PIP5K1A: variants seen among roughly 807,000 people sequenced by gnomAD.
The protein encoded by PIP5K1A is phosphatidylinositol 4-phosphate 5-kinase type-1 alpha.
A neutral mutation model predicts 72.9 loss-of-function variants in PIP5K1A; 46 were observed. That is an observed-to-expected ratio of 0.63 (90% confidence interval 0.50 to 0.81). The LOEUF (loss-of-function observed/expected upper bound fraction) is 0.81, where lower values mean the gene tolerates loss of function less well. Ranked by LOEUF, PIP5K1A falls within the 30% of genes least tolerant of loss-of-function variation. The probability of loss-of-function intolerance (pLI) is 0.00; values close to 1 mark genes in which losing one functional copy is unlikely to be tolerated. For synonymous variants in PIP5K1A, 228 were observed against 255.1 expected, an observed-to-expected ratio of 0.89 and a Z score of 1.01; for missense variants, 458 against 706.1, an observed-to-expected ratio of 0.65 and a Z score of 3.98.
intron 1 of PIP5K1A, among the ~76,000 whole-genome samples, chr1:151,222,708 A>G (rs374087157): frequency 1.2e-4 from 18 of 152,322 alleles, no homozygotes; most frequent in African/African-American, 3.1e-4. Flanking sequence ...GTCTAGAATC[A>G]GCATTTTTAT....
At chr1:151,202,601 A>G (rs2101871419) in intron 1 of PIP5K1A, among the ~76,000 whole-genome samples, 1 of 150,142 alleles carries the variant, frequency 6.7e-6, no homozygotes, top group East Asian at 2.0e-4. Flanking sequence ...CCTCCCAAGT[A>G]ACAGATTACA....
intron 1 of PIP5K1A, among the ~76,000 whole-genome samples, chr1:151,201,740 T>C (rs755673895): frequency 1.3e-5 from 2 of 151,934 alleles, no homozygotes; most frequent in Non-Finnish European, 2.9e-5. Flanking sequence ...CGCAGGCCTG[T>C]AATCCCAGCT....
At chr1:151,233,028 A>G (rs1690325240) in intron 7 of PIP5K1A, among the ~76,000 whole-genome samples, 1 of 144,652 alleles carries the variant, frequency 6.9e-6, no homozygotes, top group Non-Finnish European at 1.5e-5. Context: ...TGAATCTGGG[A>G]GGCGAAGTTT....
chr1:151,249,438 T>C lies in PIP5K1A; in HGVS notation c.*1573T>C, dbSNP rs1292782628. On this transcript the variant is annotated 3_prime_UTR_variant, in exon 16 of 16. Coordinates refer to ENST00000368888, the MANE Select transcript of PIP5K1A (RefSeq NM_001135638.2). ...AAGCAACATTTTTATTAAGTGTTACTATTTGCCTCTACTTTGTATTGTTCA... is the reference window on the plus strand; with the variant it reads ...AAGCAACATTTTTATTAAGTGTTACCATTTGCCTCTACTTTGTATTGTTCA... 6.6e-6 allele frequency: 1 copy of C among 152,222 alleles called. No homozygotes were observed. Among genetic ancestry groups the C allele is most frequent in the Non-Finnish European group, 1.5e-5 (1 of 68,040 alleles). The allele number at this position is 152,222 out of a possible 1,614,324, so 9.4% of individuals were successfully genotyped here. A position where few individuals can be genotyped will look rare whatever the true frequency, so the allele number is the denominator to read the frequency against.
At chr1:151,216,778 G>A (rs587611713) in intron 1 of PIP5K1A, among the ~76,000 whole-genome samples, 1 of 151,742 alleles carries the variant, frequency 6.6e-6, no homozygotes, top group African/African-American at 2.4e-5. Context: ...TACGTAACTT[G>A]TTGAATTCTC....
chr1:151,203,210 A>G (rs1685454903), intron 1 of PIP5K1A, among the ~76,000 whole-genome samples: 1 of 152,170 alleles, frequency 6.6e-6, no homozygotes, highest in African/African-American at 2.4e-5. Context: ...GTTGTGGAGT[A>G]AAATCATGTG....
intron 1 of PIP5K1A, among the ~76,000 whole-genome samples, chr1:151,200,202 G>C (rs968141141): frequency 1.0e-4 from 15 of 150,208 alleles, no homozygotes; most frequent in Non-Finnish European, 1.6e-4. Flanking sequence ...GGGGGTGACT[G>C]TAAGTGTTGT....
At position 151,242,236 on chromosome 1, in the gene PIP5K1A, G is replaced by C. The variant is rs757308798; in HGVS notation, c.1477G>C (p.Ala493Pro). The C allele has an allele frequency of 2.5e-6, 4 of 1,614,172 alleles. No homozygotes were observed. Among genetic ancestry groups the C allele is most frequent in the Non-Finnish European group, 3.4e-6 (4 of 1,180,008 alleles). Residue 493 changes from alanine (A) to proline (P), a missense_variant, in exon 13 of 16, where the codon GCA becomes CCA. By Grantham distance (27) the Ala-to-Pro change is conservative. Coordinates refer to ENST00000368888, the MANE Select transcript of PIP5K1A (RefSeq NM_001135638.2). ...GCCATCGGTCTCTGGGGAACACAAG[G>C]CACAAGTGACAACAAAGGCAGAAGT... The part of the protein sequence containing the change: ...YQPSVSGEHK[A>P]QVTTKAEVEP...
At chr1:151,203,598 G>C (rs1685512283) in intron 1 of PIP5K1A, among the ~76,000 whole-genome samples, 1 of 151,792 alleles carries the variant, frequency 6.6e-6, no homozygotes. Flanking sequence ...GGCCGAGGTG[G>C]GCGGATCACA....
At chr1:151,236,937 C>T (rs1183424344) in intron 9 of PIP5K1A, among the ~76,000 whole-genome samples, 174 bp downstream of exon 9, 1 of 150,930 alleles carries the variant, frequency 6.6e-6, no homozygotes, top group African/African-American at 2.4e-5. Flanking sequence ...AAGCGATTCT[C>T]CTGCTTCAGC....
intron 1 of PIP5K1A, among the ~76,000 whole-genome samples, chr1:151,208,797 A>G (rs1373312029): frequency 5.6e-5 from 7 of 124,958 alleles, no homozygotes; most frequent in Non-Finnish European, 9.3e-5. Flanking sequence ...CACTGGTGCA[A>G]TCTCGGCTGA....
chr1:151,200,622 C>G (rs1293282660), intron 1 of PIP5K1A, among the ~76,000 whole-genome samples: 1 of 152,096 alleles, frequency 6.6e-6, no homozygotes, highest in Non-Finnish European at 1.5e-5. Flanking sequence ...CTTTCACATT[C>G]CAGCTCAGAT....
At position 151,221,314 on chromosome 1, in the gene PIP5K1A, A is replaced by C. The variant is rs999093005; in HGVS notation, c.86-2931A>C. On this transcript the variant is annotated intron_variant, in intron 1 of 15. Coordinates refer to ENST00000368888, the MANE Select transcript of PIP5K1A (RefSeq NM_001135638.2). ...TGTAGAGATGCCTGAGTGATGGAGA[A>C]AAAAGCAGGAATAATTTGGCATTAA... 6.2e-4 allele frequency among the ~76,000 whole-genome samples: 95 copies of C among 152,206 alleles called. 1 individual carries two copies. The highest frequency in any genetic ancestry group is 6.0e-3 in the Admixed American group (92 of 15,264).
At chr1:151,199,108 A>G in intron 1 of PIP5K1A, 27 bp downstream of exon 1, 1 of 1,613,694 alleles carries the variant, frequency 6.2e-7, no homozygotes, top group South Asian at 1.1e-5. Flanking sequence ...GTGGGTAGGG[A>G]GCTGGTGAGG....
At chr1:151,216,593 T>A (rs1687653991) in intron 1 of PIP5K1A, among the ~76,000 whole-genome samples, 1 of 152,156 alleles carries the variant, frequency 6.6e-6, no homozygotes, top group Non-Finnish European at 1.5e-5. Context: ...TCATTTCCTT[T>A]TGTTTCAGTA....
intron 1 of PIP5K1A, among the ~76,000 whole-genome samples, chr1:151,222,708 A>C (rs374087157): frequency 2.6e-5 from 4 of 152,204 alleles, no homozygotes; most frequent in Non-Finnish European, 5.9e-5. Flanking sequence ...GTCTAGAATC[A>C]GCATTTTTAT....
intron 1 of PIP5K1A, among the ~76,000 whole-genome samples, chr1:151,212,137 A>G (rs1040023709): frequency 6.6e-6 from 1 of 151,968 alleles, no homozygotes; most frequent in African/African-American, 2.4e-5. Flanking sequence ...TTTTGTTTAC[A>G]TTATCTCTTC....
At chr1:151,241,055 C>G (rs1691608133) in intron 12 of PIP5K1A, among the ~76,000 whole-genome samples, 1 of 152,082 alleles carries the variant, frequency 6.6e-6, no homozygotes, top group South Asian at 2.1e-4. Flanking sequence ...CTCAGCTACT[C>G]AGGAGGCTGA....
At chr1:151,213,188 C>T (rs988265243) in intron 1 of PIP5K1A, among the ~76,000 whole-genome samples, 22 of 152,190 alleles carry the variant, frequency 1.4e-4, no homozygotes, top group African/African-American at 5.1e-4. Context: ...CGCGCCCGGC[C>T]TGCCTTTTTT....
Sources: allele counts gnomAD v4.1 joint callset (sites outside exome capture counted in the v4.1 genomes callset), GRCh38; gene constraint gnomAD v4.1.1; transcripts MANE v1.5; gene names NCBI Gene and HGNC (gene_info 2026-07-23, HGNC 2026-07-21).